HMCN2: variants seen among roughly 807,000 people sequenced by gnomAD.
The protein encoded by HMCN2 is hemicentin 2, also known as hemicentin-2.
A neutral mutation model predicts 377.5 loss-of-function variants in HMCN2; 325 were observed. The ratio of observed to expected loss-of-function variants is 0.86; its 90% CI spans 0.79 to 0.94. The LOEUF (loss-of-function observed/expected upper bound fraction) is 0.94. Ranked by LOEUF, HMCN2 falls within the 40% of genes least tolerant of loss-of-function variation. HMCN2 has a pLI of 0.00. For synonymous variants in HMCN2, 2,007 were observed against 2,046.8 expected (o/e 0.98, Z 0.53); for missense variants, 4,543 against 4,725.3 (o/e 0.96, Z 1.13).
Position 130,352,984 on chromosome 9 carries a change from A to G in HMCN2, c.4643A>G (p.His1548Arg). Residue 1548 changes from histidine (H) to arginine (R), a missense_variant, in exon 31 of 98, where the codon CAC (histidine) becomes CGC (arginine). His to Arg is a conservative substitution (Grantham distance 29, BLOSUM62 0). Transcript: ENST00000683500. ...ETGEVAVMED[H>R]LVQLLCEARG... is the part of the protein sequence containing the mutation. ...GGCGAGGTGGCCGTCATGGAGGACC[A>G]CCTAGTGCAGCTCCTGTGTGAGGCT... 1.5e-6 allele frequency: 2 copies of G among 1,303,796 alleles called. No individual in the cohort carries two copies. The highest frequency in any genetic ancestry group is 2.0e-6 in the Non-Finnish European group (2 of 988,748). The allele number at this position is 1,303,796 out of a possible 1,614,324, so 80.8% of individuals were successfully genotyped here.
At chr9:130,278,996 C>A (rs1834963047) in intron 1 of HMCN2, among the ~76,000 whole-genome samples, 1 of 151,286 alleles carries the variant, frequency 6.6e-6, no homozygotes, top group Non-Finnish European at 1.5e-5. Context: ...CCCCTGGGTT[C>A]AAGTGATTCT....
chr9:130,376,557 G>T lies in HMCN2; in HGVS notation c.7960G>T (p.Gly2654Cys). 1.0e-6 allele frequency: 1 copy of T among 985,824 alleles called. No homozygotes were observed. Among genetic ancestry groups the T allele is most frequent in the South Asian group, 4.7e-5 (1 of 21,274 alleles). The allele number at this position is 985,824 out of a possible 1,614,324, so 61.1% of individuals were successfully genotyped here. A position where few individuals can be genotyped will look rare whatever the true frequency, so the allele number is the denominator to read the frequency against. ...ISKDDPLAEV[G>C]VKEVKTKVNS... ...CAAAGACGACCCCTTGGCGGAGGTC[G>T]GCGTGAAGGAGGTGAAGACCAAGGT... Residue 2654 changes from glycine (G) to cysteine (C), a missense_variant, in exon 52 of 98, where the codon GGC becomes TGC. Gly to Cys is a radical substitution (Grantham distance 159, BLOSUM62 -3). Coordinates refer to ENST00000683500, the MANE Select transcript of HMCN2 (RefSeq NM_001291815.2).
At position 130,349,597 on chromosome 9, in the gene HMCN2, A is replaced by T; in HGVS notation, c.4364A>T (p.Asp1455Val). The T allele has an allele frequency of 7.7e-7, 1 of 1,304,058 alleles. No individual in the cohort carries two copies. Among genetic ancestry groups the T allele is most frequent in the Non-Finnish European group, 1.0e-6 (1 of 988,890 alleles). The allele number at this position is 1,304,058 out of a possible 1,614,324, so 80.8% of individuals were successfully genotyped here. A position where few individuals can be genotyped will look rare whatever the true frequency, so the allele number is the denominator to read the frequency against. Residue 1455 changes from aspartate (D) to valine (V), a missense_variant, in exon 29 of 98, where the codon GAC becomes GTC. Around this residue, in one of 5 missense-constraint regions of HMCN2, gnomAD observed 1,032 missense variants for 1,285.1 expected, o/e 0.80. Coordinates refer to ENST00000683500, the MANE Select transcript of HMCN2 (RefSeq NM_001291815.2). Reference sequence around the variant, plus strand: ...GAGGTGCTAGGATTGGCCGGTGCAGACGTGGAGCTGCAGTGTTGGACCTCA... The same window carrying T: ...GAGGTGCTAGGATTGGCCGGTGCAGTCGTGGAGCTGCAGTGTTGGACCTCA... Reference protein sequence around the residue: ...AQEVLGLAGADVELQCWTSGV... With the variant: ...AQEVLGLAGAVVELQCWTSGV...
Position 130,316,425 on chromosome 9 carries a change from G to A in HMCN2, c.2351-3070G>A, listed in dbSNP as rs891657940. On this transcript the variant is annotated intron_variant, in intron 15 of 97. Coordinates refer to ENST00000683500, the MANE Select transcript of HMCN2 (RefSeq NM_001291815.2). ...CCAGATGTGTGGGTGGGGGAGGGAG[G>A]CAGAGCAGGAAAAAAAGGACGGGGC... 1.2e-4 allele frequency among the ~76,000 whole-genome samples: 19 copies of A among 152,098 alleles called. No homozygotes were observed. In the East Asian group the frequency reaches 3.3e-3, roughly 26 times the overall value.
intron 46 of HMCN2, among the ~76,000 whole-genome samples, chr9:130,372,003 C>G (rs1304557345): frequency 6.6e-6 from 1 of 152,186 alleles, no homozygotes; most frequent in African/African-American, 2.4e-5. Flanking sequence ...CCATTACTCT[C>G]CCTTCAGCTC....
At chr9:130,325,387 T>G in intron 19 of HMCN2, among the ~76,000 whole-genome samples, 1 of 152,352 alleles carries the variant, frequency 6.6e-6, no homozygotes, top group Non-Finnish European at 1.5e-5. Flanking sequence ...TGAGCCACCA[T>G]GTCCGACTGC....
intron 74 of HMCN2, 74 bp downstream of exon 74, chr9:130,397,729 C>G: frequency 3.2e-6 from 4 of 1,243,214 alleles, no homozygotes; most frequent in Non-Finnish European, 4.2e-6. Flanking sequence ...CTGAGTCACC[C>G]CAGCTGTAGG....
At chr9:130,332,543 C>G (rs1456122681) in intron 22 of HMCN2, among the ~76,000 whole-genome samples, 1 of 152,200 alleles carries the variant, frequency 6.6e-6, no homozygotes, top group Non-Finnish European at 1.5e-5. Flanking sequence ...TCAGCACCAT[C>G]CTCGTTAGCA....
At position 130,347,358 on chromosome 9, in the gene HMCN2, A is replaced by C. The variant is rs1839443830; in HGVS notation, c.4022A>C (p.Tyr1341Ser). The C allele has an allele frequency of 6.6e-6, 1 of 152,410 alleles. No individual in the cohort carries two copies. Among genetic ancestry groups the C allele is most frequent in the African/African-American group, 2.4e-5 (1 of 41,440 alleles). The allele number at this position is 152,410 out of a possible 1,614,324, so 9.4% of individuals were successfully genotyped here. The change falls in exon 26 of 98, where the codon TAT becomes TCT. Residue 1341 changes from tyrosine (Y) to serine (S), a missense_variant and splice_region_variant. By Grantham distance (144) the Tyr-to-Ser change is moderately radical. This residue lies in a region of HMCN2 where 547 missense variants were observed against 189.9 expected (regional missense o/e 2.88). Coordinates refer to ENST00000683500, the MANE Select transcript of HMCN2 (RefSeq NM_001291815.2). The surrounding 1 kb of genome is among the most constrained non-coding windows in gnomAD (Gnocchi z 5.1). ...TCCAGGAGAGCCAAGCTGGTGGTCT[A>C]TGGTGAGCAGGGACCCAGAGCTGGG... ...STSRRAKLVV[Y>S]VPPSIREDGR...
chr9:130,398,901 A>G (rs1212953573), intron 75 of HMCN2, among the ~76,000 whole-genome samples, 194 bp downstream of exon 75: 1 of 152,164 alleles, frequency 6.6e-6, no homozygotes, highest in Non-Finnish European at 1.5e-5. Context: ...CTGGGGATAT[A>G]CAGCTAAACA....
At chr9:130,395,888 T>G (rs1209396865) in intron 71 of HMCN2, 36 bp from the exon 72 acceptor site, 1 of 1,269,144 alleles carries the variant, frequency 7.9e-7, no homozygotes, top group East Asian at 5.6e-5. Flanking sequence ...AGCTGGGCAC[T>G]GATAAGGGTC....
chr9:130,309,359 T>TA (rs1554938042), intron 14 of HMCN2, among the ~76,000 whole-genome samples: 1 of 150,870 alleles, frequency 6.6e-6, no homozygotes, highest in Non-Finnish European at 1.5e-5. Context: ...ACCAAAAATA[T>TA]AAAAAATTAG....
intron 76 of HMCN2, among the ~76,000 whole-genome samples, chr9:130,399,907 T>G (rs1193017933): frequency 6.6e-6 from 1 of 151,880 alleles, no homozygotes; most frequent in East Asian, 1.9e-4. Context: ...CCGTTAAAAA[T>G]CCCTCCCTCC....
intron 86 of HMCN2, chr9:130,419,527 T>TAAAATTAAGAAAAGA (rs1843872805): frequency 6.5e-6 from 1 of 153,360 alleles, no homozygotes; most frequent in Admixed American, 6.5e-5. Context: ...AGACCAACTT[T>TAAAATTAAGAAAAGA]AAAATTAAGA....
chr9:130,267,549 T>C (rs1249132835), intron 1 of HMCN2, among the ~76,000 whole-genome samples: 4 of 152,194 alleles, frequency 2.6e-5, no homozygotes, highest in African/African-American at 9.7e-5. Context: ...CCATTGGCTG[T>C]ATGAGCCAGC....
chr9:130,288,777 A>G (rs550618911), intron 4 of HMCN2, among the ~76,000 whole-genome samples: 11 of 152,222 alleles, frequency 7.2e-5, no homozygotes, highest in East Asian at 5.8e-4. Context: ...CTTTTTTTCA[A>G]TTGTGAAGTT....
At chr9:130,331,172 G>A (rs1838407739) in intron 22 of HMCN2, among the ~76,000 whole-genome samples, 1 of 134,564 alleles carries the variant, frequency 7.4e-6, no homozygotes, top group African/African-American at 2.8e-5. Context: ...AAAAAAAAAA[G>A]GACAAAGTAA....
chr9:130,277,579 C>G (rs1834761896), intron 1 of HMCN2, among the ~76,000 whole-genome samples: 1 of 152,186 alleles, frequency 6.6e-6, no homozygotes, highest in African/African-American at 2.4e-5. Context: ...AAATAGTAGA[C>G]CTCATAGGTT....
At chr9:130,285,872 A>G (rs2131280648) in intron 3 of HMCN2, among the ~76,000 whole-genome samples, 1 of 152,252 alleles carries the variant, frequency 6.6e-6, no homozygotes, top group South Asian at 2.1e-4. Context: ...CTAAGTCTGC[A>G]GCCTCCAGGG....
Sources: allele counts gnomAD v4.1 joint callset (sites outside exome capture counted in the v4.1 genomes callset), GRCh38; gene constraint gnomAD v4.1.1; regional missense constraint gnomAD v4.1.1; non-coding constraint Gnocchi (gnomAD v3.1); transcripts MANE v1.5; gene names NCBI Gene and HGNC (gene_info 2026-07-23, HGNC 2026-07-21).